Variants in IL1R1 observed in about 807,000 individuals in gnomAD.
The protein encoded by IL1R1 is interleukin-1 receptor type 1.
In IL1R1, 22 loss-of-function variants were observed where a neutral mutation model predicts 50.2. The ratio of observed to expected loss-of-function variants is 0.44; its 90% confidence interval spans 0.31 to 0.63. The LOEUF (loss-of-function observed/expected upper bound fraction) is 0.63. IL1R1 is among the 20% of genes least tolerant of loss of function. The pLI is 0.07. For synonymous variants in IL1R1, 251 were observed against 236.7 expected (o/e 1.06, Z -0.55); for missense variants, 509 against 676.2 (o/e 0.75, Z 2.74).
intron 1 of IL1R1, among the ~76,000 whole-genome samples, chr2:102,098,061 A>G (rs961246884): frequency 6.6e-6 from 1 of 152,106 alleles, no homozygotes; most frequent in African/African-American, 2.4e-5. Flanking sequence ...TAAAAAGATG[A>G]GAATCCATGA....
intron 1 of IL1R1, among the ~76,000 whole-genome samples, chr2:102,107,864 T>C (rs892307165): frequency 1.3e-5 from 2 of 152,176 alleles, no homozygotes; most frequent in Non-Finnish European, 2.9e-5. Context: ...TTGATGTCTC[T>C]CAGAAAGTCT....
At chr2:102,156,468 C>G (rs1684201124) in intron 2 of IL1R1, among the ~76,000 whole-genome samples, 1 of 151,752 alleles carries the variant, frequency 6.6e-6, no homozygotes, top group Non-Finnish European at 1.5e-5. Flanking sequence ...TTTTTTTTTC[C>G]TGTATTTGTT....
chr2:102,174,468 A>T, intron 9 of IL1R1, 119 bp from the exon 10 acceptor site: 1 of 648,530 alleles, frequency 1.5e-6, no homozygotes, highest in South Asian at 2.2e-5. Context: ...TATTGTCTGA[A>T]TGCAGGCCAT....
At chr2:102,087,994 C>T (rs1410855715) in intron 1 of IL1R1, among the ~76,000 whole-genome samples, 1 of 152,218 alleles carries the variant, frequency 6.6e-6, no homozygotes, top group Non-Finnish European at 1.5e-5. Context: ...CCTTCAGGCT[C>T]CACTTTTAAT....
intron 1 of IL1R1, among the ~76,000 whole-genome samples, chr2:102,111,048 C>T (rs1255189863): frequency 3.3e-5 from 5 of 152,126 alleles, no homozygotes; most frequent in Non-Finnish European, 7.3e-5. Context: ...CAGAAAGCAG[C>T]TCTATGTATG....
intron 2 of IL1R1, among the ~76,000 whole-genome samples, chr2:102,155,079 C>T (rs558045025): frequency 6.6e-6 from 1 of 152,254 alleles, no homozygotes; most frequent in Non-Finnish European, 1.5e-5. Context: ...TTCCCAGAGC[C>T]AAATAGATAT....
chr2:102,083,126 T>G (rs947948266), intron 1 of IL1R1, among the ~76,000 whole-genome samples: 5 of 152,172 alleles, frequency 3.3e-5, no homozygotes, highest in African/African-American at 1.2e-4. Context: ...ACCCAGCAAG[T>G]GCTGACTGAT....
intron 1 of IL1R1, among the ~76,000 whole-genome samples, chr2:102,099,488 C>G (rs1242869549): frequency 6.6e-6 from 1 of 152,146 alleles, no homozygotes; most frequent in African/African-American, 2.4e-5. Flanking sequence ...GTTAGGGTAC[C>G]ATGGCTCCTA....
At chr2:102,110,537 T>C (rs1680698439) in intron 1 of IL1R1, among the ~76,000 whole-genome samples, 1 of 150,718 alleles carries the variant, frequency 6.6e-6, no homozygotes, top group South Asian at 2.1e-4. Flanking sequence ...CTGGTTTTTA[T>C]TAGACTTCGG....
chr2:102,161,191 C>T (rs1684695879), intron 3 of IL1R1, among the ~76,000 whole-genome samples: 1 of 152,054 alleles, frequency 6.6e-6, no homozygotes, highest in African/African-American at 2.4e-5. Flanking sequence ...ATTTCTTTGA[C>T]TCATGAGTTA....
chr2:102,144,297 C>T (rs1682925540), intron 1 of IL1R1, among the ~76,000 whole-genome samples: 1 of 152,170 alleles, frequency 6.6e-6, no homozygotes, highest in African/African-American at 2.4e-5. Flanking sequence ...TGGCTAGCTG[C>T]CAAGCTGCTG....
At chr2:102,133,243 C>CAAAAAAAA (rs70946673) in intron 1 of IL1R1, among the ~76,000 whole-genome samples, 1 of 116,906 alleles carries the variant, frequency 8.6e-6, no homozygotes. Flanking sequence ...GACTCTGTCT[C>CAAAAAAAA]AAAAAAAAAA....
At chr2:102,174,193 C>T (rs371657145) in intron 9 of IL1R1, among the ~76,000 whole-genome samples, 3 of 152,134 alleles carry the variant, frequency 2.0e-5, no homozygotes, top group African/African-American at 7.2e-5. Flanking sequence ...TGAAACTTCC[C>T]TAAGCCTCCA....
intron 1 of IL1R1, among the ~76,000 whole-genome samples, 179 bp from the exon 2 acceptor site, chr2:102,153,762 C>A (rs1683912343): frequency 6.6e-6 from 1 of 152,208 alleles, no homozygotes; most frequent in Non-Finnish European, 1.5e-5. Context: ...TGAGGCTTCC[C>A]CAGCCATGCG....
intron 7 of IL1R1, among the ~76,000 whole-genome samples, chr2:102,171,098 T>C (rs1292535949): frequency 6.6e-6 from 1 of 152,156 alleles, no homozygotes; most frequent in Non-Finnish European, 1.5e-5. Context: ...GATAGAGGGA[T>C]AACAGTTTTT....
chr2:102,134,629 C>T (rs1461255414), intron 1 of IL1R1, among the ~76,000 whole-genome samples: 1 of 152,074 alleles, frequency 6.6e-6, no homozygotes, highest in African/African-American at 2.4e-5. Context: ...CCGTCCACCT[C>T]GGCCTCCAAA....
intron 1 of IL1R1, among the ~76,000 whole-genome samples, chr2:102,071,567 A>C (rs1678720687): frequency 6.6e-6 from 1 of 152,238 alleles, no homozygotes; most frequent in Non-Finnish European, 1.5e-5. Flanking sequence ...ACTGGCTTAC[A>C]TAAATTTACC....
intron 1 of IL1R1, among the ~76,000 whole-genome samples, chr2:102,073,914 T>G (rs888783549): frequency 1.3e-5 from 2 of 152,114 alleles, no homozygotes; most frequent in Non-Finnish European, 2.9e-5. Context: ...ACAATGCCCC[T>G]CTTTTATGAT....
At chr2:102,165,500 G>A (rs1440253579) in intron 5 of IL1R1, among the ~76,000 whole-genome samples, 196 bp downstream of exon 5, 2 of 152,140 alleles carry the variant, frequency 1.3e-5, no homozygotes, top group Non-Finnish European at 2.9e-5. Flanking sequence ...TTTGTTTGCT[G>A]TTGTTTTTAT....
Sources: allele counts gnomAD v4.1 joint callset (sites outside exome capture counted in the v4.1 genomes callset), GRCh38; gene constraint gnomAD v4.1.1; transcripts MANE v1.5; gene names NCBI Gene and HGNC (gene_info 2026-07-23, HGNC 2026-07-21).